BMPER: variants seen among roughly 807,000 people sequenced by gnomAD.
BMPER encodes BMP-binding endothelial regulator protein.
A neutral mutation model predicts 87.3 loss-of-function variants in BMPER; 45 were observed. That is an observed-to-expected ratio of 0.52 (90% CI 0.41 to 0.66). The LOEUF is 0.66. BMPER is among the 30% of genes least tolerant of loss of function. The pLI, the probability that BMPER is intolerant of heterozygous loss-of-function variation, is 0.00. For missense variants in BMPER, 784 were observed against 867.5 expected (o/e 0.90, Z 1.21); for synonymous variants, 326 against 316.2 (o/e 1.03, Z -0.33).
At chr7:33,906,455 T>TAA (rs1783819212) in intron 1 of BMPER, among the ~76,000 whole-genome samples, 3 of 125,426 alleles carry the variant, frequency 2.4e-5, no homozygotes, top group African/African-American at 8.8e-5. Context: ...AGGGTTTTTT[T>TAA]AAATTTTATT....
intron 2 of BMPER, chr7:33,921,936 T>G (rs958457296): frequency 7.6e-5 from 34 of 449,098 alleles, no homozygotes; most frequent in Non-Finnish European, 1.3e-4. Flanking sequence ...CCCCTTCGAC[T>G]CCTCAAAACC....
chr7:34,036,063 C>T (rs1183721360), intron 6 of BMPER, among the ~76,000 whole-genome samples: 1 of 152,112 alleles, frequency 6.6e-6, no homozygotes, highest in African/African-American at 2.4e-5. Flanking sequence ...CTTTCTCCTG[C>T]ATAATGGTGT....
At chr7:34,043,810 G>A (rs557136109) in intron 6 of BMPER, among the ~76,000 whole-genome samples, 2 of 152,328 alleles carry the variant, frequency 1.3e-5, no homozygotes, top group African/African-American at 4.8e-5. Flanking sequence ...GTGAAAGAGA[G>A]TTGAGGCAGA....
intron 6 of BMPER, among the ~76,000 whole-genome samples, chr7:34,037,845 G>GA (rs1585763369): frequency 1.3e-5 from 2 of 152,160 alleles, no homozygotes; most frequent in African/African-American, 2.4e-5. Context: ...GCAGGAAGAA[G>GA]AAAAAATAAG....
chr7:33,990,859 A>G (rs1489931309), intron 6 of BMPER, among the ~76,000 whole-genome samples: 1 of 109,190 alleles, frequency 9.2e-6, no homozygotes, highest in Non-Finnish European at 1.9e-5. Flanking sequence ...CTTTTTCTGC[A>G]TCTATTGAGA....
intron 3 of BMPER, among the ~76,000 whole-genome samples, chr7:33,952,830 A>G (rs541891031): frequency 6.6e-6 from 1 of 152,316 alleles, no homozygotes; most frequent in South Asian, 2.1e-4. Flanking sequence ...TCTTAGAGCT[A>G]ATGTGTATTG....
intron 6 of BMPER, among the ~76,000 whole-genome samples, chr7:33,979,686 C>A (rs937533559): frequency 6.6e-6 from 1 of 152,164 alleles, no homozygotes; most frequent in Non-Finnish European, 1.5e-5. Context: ...TGGGGGCACA[C>A]CCTAGGGAGT....
At chr7:34,133,426 G>A (rs1790643505) in intron 13 of BMPER, among the ~76,000 whole-genome samples, 1 of 152,090 alleles carries the variant, frequency 6.6e-6, no homozygotes, top group Non-Finnish European at 1.5e-5. Context: ...TGGTGTGCCT[G>A]GAGAGGGCAC....
intron 14 of BMPER, among the ~76,000 whole-genome samples, chr7:34,145,770 G>A (rs1210930434): frequency 1.3e-5 from 2 of 152,184 alleles, no homozygotes; most frequent in Admixed American, 6.5e-5. Flanking sequence ...CAGGATATAT[G>A]ATCCTTCTCT....
At chr7:33,908,767 A>G (rs989553325) in intron 2 of BMPER, among the ~76,000 whole-genome samples, 2 of 152,228 alleles carry the variant, frequency 1.3e-5, no homozygotes, top group African/African-American at 4.8e-5. Context: ...CACCCATTAC[A>G]GAGCTCTTTC....
At chr7:34,059,760 A>G (rs1302119510) in intron 10 of BMPER, among the ~76,000 whole-genome samples, 2 of 148,974 alleles carry the variant, frequency 1.3e-5, no homozygotes, top group South Asian at 2.1e-4. Context: ...AAAAAAAAAA[A>G]GAGATAGAGA....
At chr7:33,937,230 G>A in intron 2 of BMPER, 59 bp from the exon 3 acceptor site, 1 of 1,556,164 alleles carries the variant, frequency 6.4e-7, no homozygotes, top group Non-Finnish European at 8.9e-7. Flanking sequence ...TGGTGTGTTA[G>A]GATTTGGGGA....
intron 2 of BMPER, among the ~76,000 whole-genome samples, chr7:33,922,918 ATAT>A (rs1294861002): frequency 1.3e-5 from 2 of 152,182 alleles, no homozygotes; most frequent in Non-Finnish European, 2.9e-5. Flanking sequence ...TGGGAAGGAA[ATAT>A]TATGTTGAAA....
At chr7:33,925,381 C>T (rs1784334321) in intron 2 of BMPER, among the ~76,000 whole-genome samples, 1 of 152,118 alleles carries the variant, frequency 6.6e-6, no homozygotes, top group African/African-American at 2.4e-5. Context: ...GGTGGGAAAA[C>T]TAAACAAATC....
At chr7:33,942,984 C>A (rs560547186) in intron 3 of BMPER, among the ~76,000 whole-genome samples, 103 of 152,282 alleles carry the variant, frequency 6.8e-4, no homozygotes, top group African/African-American at 2.3e-3. Flanking sequence ...CACTTCCTCC[C>A]ATGATTTGTT....
At chr7:34,048,893 T>A (rs1562710151) in intron 7 of BMPER, among the ~76,000 whole-genome samples, 1 of 152,214 alleles carries the variant, frequency 6.6e-6, no homozygotes, top group Non-Finnish European at 1.5e-5. Flanking sequence ...TGGACCATGA[T>A]GACTTTGGGA....
chr7:34,139,338 C>G (rs1790804284), intron 13 of BMPER, among the ~76,000 whole-genome samples: 1 of 152,230 alleles, frequency 6.6e-6, no homozygotes, highest in South Asian at 2.1e-4. Context: ...CGTTGAATAA[C>G]TAAGACCTAC....
chr7:34,060,995 C>G (rs987187328), intron 10 of BMPER, among the ~76,000 whole-genome samples: 11 of 152,168 alleles, frequency 7.2e-5, no homozygotes, highest in Non-Finnish European at 1.3e-4. Flanking sequence ...TTCTACTACT[C>G]TTGTGTTGCA....
At chr7:34,060,467 A>G (rs1788408443) in intron 10 of BMPER, among the ~76,000 whole-genome samples, 2 of 152,212 alleles carry the variant, frequency 1.3e-5, no homozygotes, top group African/African-American at 4.8e-5. Context: ...GCTCTAGGCA[A>G]TGAAAATATG....
Sources: gnomAD v4.1 joint callset for allele counts (sites outside exome capture counted in the v4.1 genomes callset) on GRCh38, gnomAD v4.1.1 for gene constraint, MANE v1.5 for transcripts, NCBI Gene and HGNC (gene_info 2026-07-23, HGNC 2026-07-21) for gene names.